The following L3MBTL1 variants were observed in gnomAD, a reference collection of about 807,000 sequenced individuals.
The protein encoded by L3MBTL1 is L3MBTL histone methyl-lysine binding protein 1, also known as lethal(3)malignant brain tumor-like protein 1.
Under a neutral mutation model 105.3 loss-of-function variants are expected in L3MBTL1, and 75 were observed. The observed-to-expected ratio is 0.71, with a 90% CI of 0.59 to 0.86. The LOEUF (loss-of-function observed/expected upper bound fraction) is 0.86. Ranked by LOEUF, L3MBTL1 falls within the 40% of genes least tolerant of loss-of-function variation. The pLI, the probability that L3MBTL1 is intolerant of heterozygous loss-of-function variation, is 0.00. For synonymous variants in L3MBTL1, 452 were observed against 436.2 expected (o/e 1.04, Z -0.45); for missense variants, 1,069 against 1,126.4 (o/e 0.95, Z 0.73).
intron 8 of L3MBTL1, 124 bp downstream of exon 8, chr20:43,528,869 G>C (rs1600932549): frequency 1.3e-6 from 1 of 772,706 alleles, no homozygotes. Flanking sequence ...GAATGGAAAG[G>C]GAGAGACTGT....
At chr20:43,522,319 C>T (rs1158829399) in intron 7 of L3MBTL1, among the ~76,000 whole-genome samples, 2 of 152,048 alleles carry the variant, frequency 1.3e-5, no homozygotes, top group Admixed American at 6.6e-5. Context: ...CGCTTCACTG[C>T]ACTCCAGTCT....
At chr20:43,516,401 A>T (rs975409743) in intron 7 of L3MBTL1, among the ~76,000 whole-genome samples, 1 of 152,156 alleles carries the variant, frequency 6.6e-6, no homozygotes, top group East Asian at 1.9e-4. Flanking sequence ...TTTATCCTCT[A>T]TTATCCAGTC....
chr20:43,521,132 A>G (rs1280233342), intron 7 of L3MBTL1, among the ~76,000 whole-genome samples: 1 of 152,218 alleles, frequency 6.6e-6, no homozygotes, highest in Non-Finnish European at 1.5e-5. Context: ...GTGTCTTAAA[A>G]TGAACTAATT....
chr20:43,509,336 C>T (rs2018073179), intron 1 of L3MBTL1, among the ~76,000 whole-genome samples: 1 of 152,068 alleles, frequency 6.6e-6, no homozygotes, highest in African/African-American at 2.4e-5. Context: ...GCAACCCTCC[C>T]ACCTCAGCCT....
exon 19 of L3MBTL1, chr20:43,548,997 T>G (rs1337518462): frequency 6.6e-6 from 1 of 152,300 alleles, no homozygotes; most frequent in African/African-American, 2.4e-5. Flanking sequence ...AATGAGCAGG[T>G]GGTTTGAGCC....
At chr20:43,515,605 C>G (rs2018349520) in intron 6 of L3MBTL1, 190 bp downstream of exon 6, 1 of 680,710 alleles carries the variant, frequency 1.5e-6, no homozygotes, top group East Asian at 2.9e-5. Context: ...ATTAATCACT[C>G]TCTTGATTTT....
Position 43,532,862 on chromosome 20 carries a change from C to G in L3MBTL1, c.1374C>G (p.Thr458=). The change falls in exon 12 of 22, where the codon ACC becomes ACG. Residue 458 remains threonine (T), a synonymous_variant. Transcript: ENST00000418998. ...NPSLVCVASV[T]DVVDSRFLVH... is the part of the protein sequence containing the mutation. ...CCCTTGTCTGCGTGGCCAGTGTGACCGATGTGGTGGACAGCCGCTTCCTGG... is the reference window on the plus strand; with the variant it reads ...CCCTTGTCTGCGTGGCCAGTGTGACGGATGTGGTGGACAGCCGCTTCCTGG... 1 of 1,614,108 alleles carries G rather than the reference C, an allele frequency of 6.2e-7. No individual in the cohort carries two copies. The highest frequency in any genetic ancestry group is 8.5e-7 in the Non-Finnish European group (1 of 1,180,000).
intron 18 of L3MBTL1, 29 bp downstream of exon 18, chr20:43,536,323 G>T: frequency 6.2e-7 from 1 of 1,612,086 alleles, no homozygotes; most frequent in Non-Finnish European, 8.5e-7. Context: ...CAGGGCCCGG[G>T]CTTCCTGGGG....
At chr20:43,534,129 A>G (rs888684459) in intron 14 of L3MBTL1, 36 bp downstream of exon 14, 1 of 1,586,822 alleles carries the variant, frequency 6.3e-7, no homozygotes, top group African/African-American at 1.3e-5. Context: ...AGCTGAGCTC[A>G]GAAAGACATG....
At chr20:43,545,221 C>T (rs528492239), downstream of L3MBTL1, among the ~76,000 whole-genome samples, 5 of 151,912 alleles carry the variant, frequency 3.3e-5, no homozygotes, top group Admixed American at 6.6e-5. Context: ...CAAAATTAGC[C>T]GGGTGTGGTG....
chr20:43,540,630 C>T (rs2019866558), intron 20 of L3MBTL1, 123 bp from the exon 21 acceptor site: 1 of 968,258 alleles, frequency 1.0e-6, no homozygotes. Flanking sequence ...CCCTAGGATC[C>T]TTTTAGGCTG....
At position 43,534,339 on chromosome 20, in the gene L3MBTL1, A is replaced by T. The variant is rs771006569; in HGVS notation, c.1655A>T (p.Asn552Ile). Residue 552 changes from asparagine (N) to isoleucine (I), a missense_variant, in exon 15 of 22, where the codon AAC (asparagine) becomes ATC (isoleucine). Asn to Ile is a moderately radical substitution (Grantham distance 149). Transcript: ENST00000418998. ...NMKLEAVDRR[N>I]PALIRVASVE... Reference sequence around the variant, plus strand: ...AAGCTGGAGGCTGTGGACCGCAGGAACCCAGCCCTGATTCGCGTGGCCAGC... The same window carrying T: ...AAGCTGGAGGCTGTGGACCGCAGGATCCCAGCCCTGATTCGCGTGGCCAGC... The T allele has an allele frequency of 5.6e-6, 9 of 1,614,094 alleles. No individual in the cohort carries two copies. In the Admixed American group the frequency reaches 1.5e-4, roughly 27 times the overall value.
exon 19 of L3MBTL1, chr20:43,549,043 T>C (rs1395399051): frequency 6.6e-6 from 1 of 152,278 alleles, no homozygotes; most frequent in African/African-American, 2.4e-5. Flanking sequence ...GTTCCACTGC[T>C]GTTTTCCATA....
chr20:43,528,640 C>T lies in L3MBTL1; in HGVS notation c.863-17C>T. On this transcript the variant is annotated splice_polypyrimidine_tract_variant and intron_variant, in intron 7 of 21. Coordinates refer to ENST00000418998, the MANE Select transcript of L3MBTL1 (RefSeq NM_001377303.1). ...AGGAACAGCCCAGGAGTTAGCCTGTCTGTCCCCTTTCCACAGCAACAGGTG... is the reference window on the plus strand; with the variant it reads ...AGGAACAGCCCAGGAGTTAGCCTGTTTGTCCCCTTTCCACAGCAACAGGTG... 1 of 1,605,704 alleles carries T rather than the reference C, an allele frequency of 6.2e-7. No individual in the cohort carries two copies. Among genetic ancestry groups the T allele is most frequent in the Non-Finnish European group, 8.5e-7 (1 of 1,172,332 alleles).
Position 43,514,631 on chromosome 20 carries a change from C to T in L3MBTL1, c.361-4C>T, listed in dbSNP as rs2018267149. The T allele has an allele frequency of 6.3e-7, 1 of 1,598,148 alleles. No homozygotes were observed. Among genetic ancestry groups the T allele is most frequent in the Admixed American group, 1.7e-5 (1 of 57,802 alleles). On this transcript the variant is annotated splice_region_variant and splice_polypyrimidine_tract_variant and intron_variant, in intron 3 of 21. Coordinates refer to ENST00000418998, the MANE Select transcript of L3MBTL1 (RefSeq NM_001377303.1). ...CGCAATCCTCAGACCCTCCCGCGCT[C>T]CAGTTCCGGATAAGCGAGTATAAGC... is the stretch of plus-strand genomic sequence containing the variant.
chr20:43,537,183 C>G (rs1247689376), intron 19 of L3MBTL1, among the ~76,000 whole-genome samples: 1 of 152,232 alleles, frequency 6.6e-6, no homozygotes, highest in Non-Finnish European at 1.5e-5. Flanking sequence ...AATGTCAGTT[C>G]ACTTCTCACT....
At chr20:43,525,752 C>T (rs1263502004) in intron 7 of L3MBTL1, among the ~76,000 whole-genome samples, 2 of 151,904 alleles carry the variant, frequency 1.3e-5, no homozygotes, top group African/African-American at 2.4e-5. Context: ...TGTCCTCACC[C>T]GTGAAAGGGG....
chr20:43,519,422 A>T (rs2018590502), intron 7 of L3MBTL1, among the ~76,000 whole-genome samples: 1 of 151,764 alleles, frequency 6.6e-6, no homozygotes, highest in Non-Finnish European at 1.5e-5. Context: ...AGATCACCTG[A>T]GGTCGGGAGT....
chr20:43,530,507 T>C (rs2019277618), intron 10 of L3MBTL1, 88 bp downstream of exon 10: 1 of 1,438,744 alleles, frequency 7.0e-7, no homozygotes. Flanking sequence ...TCCAGCTCTT[T>C]TGTTTTCTGA....
Sources: gnomAD v4.1 joint callset for allele counts (sites outside exome capture counted in the v4.1 genomes callset) on GRCh38, gnomAD v4.1.1 for gene constraint, MANE v1.5 for transcripts, NCBI Gene and HGNC (gene_info 2026-07-23, HGNC 2026-07-21) for gene names.